PCDHGA3: variants seen among roughly 807,000 people sequenced by gnomAD.
PCDHGA3 encodes the protein protocadherin gamma subfamily A, 3.
PCDHGA3 carries 40 observed loss-of-function variants against 58.5 expected under a neutral mutation model. The observed-to-expected ratio is 0.68, with a 90% CI of 0.53 to 0.89. The LOEUF (loss-of-function observed/expected upper bound fraction) is 0.89, where lower values mean the gene tolerates loss of function less well. Among genes scored for constraint, PCDHGA3 ranks in the 40% least tolerant of loss-of-function variants. The probability of loss-of-function intolerance (pLI) is 0.00; values close to 1 mark genes in which losing one functional copy is unlikely to be tolerated. For missense variants in PCDHGA3, 1,223 were observed against 1,195.9 expected (o/e 1.02, Z -0.33); for synonymous variants, 530 against 525.7 (o/e 1.01, Z -0.11).
Position 141,489,381 on chromosome 5 carries a change from T to C in PCDHGA3, c.2425-5426T>C. 3 of 1,613,894 alleles carry C rather than the reference T, an allele frequency of 1.9e-6. No individual in the cohort carries two copies. The highest frequency in any genetic ancestry group is 2.5e-6 in the Non-Finnish European group (3 of 1,179,802). On this transcript the variant is annotated intron_variant, in intron 1 of 3. Coordinates refer to ENST00000253812, the MANE Select transcript of PCDHGA3 (RefSeq NM_018916.4). The surrounding 1 kb of genome is among the most constrained non-coding windows in gnomAD (Gnocchi z 4.5). ...CTGAGCCGGGGACGCTGGTGGGGAA[T>C]GTTGCTCAGGATCTGGGCTTAAAGA...
rs1454395834 is a variant in PCDHGA3, at chr5:141,413,223, G to A, written c.2424+66766G>A. The stretch of plus-strand genomic sequence containing the variant: ...CAAAGGAATCAAAGGATTGCAGCGG[G>A]CTGGTCCTGCTCTGCCTTTTCTTCG... On this transcript the variant is annotated intron_variant, in intron 1 of 3. Transcript: ENST00000253812. 4 of 1,613,694 alleles carry A rather than the reference G, an allele frequency of 2.5e-6. No individual in the cohort carries two copies. In the African/African-American group the frequency reaches 4.0e-5, roughly 16 times the overall value.
intron 2 of PCDHGA3, among the ~76,000 whole-genome samples, chr5:141,499,133 T>C (rs1443866975): frequency 6.6e-6 from 1 of 152,184 alleles, no homozygotes; most frequent in East Asian, 1.9e-4. Context: ...GGTCATCCTT[T>C]GGGTGTCTGA....
intron 1 of PCDHGA3, chr5:141,409,534 C>A (rs774144232): frequency 3.1e-6 from 5 of 1,613,986 alleles, no homozygotes; most frequent in Non-Finnish European, 4.2e-6. Flanking sequence ...ATGTCGCTGA[C>A]ATCAACGACA....
At chr5:141,358,684 A>C (rs1437513367) in intron 1 of PCDHGA3, among the ~76,000 whole-genome samples, 1 of 152,182 alleles carries the variant, frequency 6.6e-6, no homozygotes, top group African/African-American at 2.4e-5. Flanking sequence ...ATTGCTTATC[A>C]TGACATCACT....
intron 1 of PCDHGA3, chr5:141,421,118 T>A (rs572827470): frequency 1.3e-6 from 1 of 771,946 alleles, no homozygotes; most frequent in South Asian, 1.9e-5. Flanking sequence ...GTATTTTCCT[T>A]CGCTTTCTGA....
rs1304361659 is a variant in PCDHGA3 at position 141,494,859 on chromosome 5, C to T, written c.2477C>T (p.Thr826Ile). 2 of 1,614,134 alleles carry T rather than the reference C, an allele frequency of 1.2e-6. No individual in the cohort carries two copies. The highest frequency in any genetic ancestry group is 8.5e-7 in the Non-Finnish European group (1 of 1,180,012). Reference protein sequence around the residue: ...WRFSQAQRPGTSGSQNGDDTG... With the variant: ...WRFSQAQRPGISGSQNGDDTG... Reference sequence around the variant, plus strand: ...TTCTCTCAGGCCCAGAGACCCGGCACCAGCGGGTAGGTGACTGATTCTCCA... The same window carrying T: ...TTCTCTCAGGCCCAGAGACCCGGCATCAGCGGGTAGGTGACTGATTCTCCA... Residue 826 changes from threonine to isoleucine, a missense_variant, in exon 2 of 4, where the codon ACC becomes ATC. By Grantham distance (89) the Thr-to-Ile change is moderately conservative. This residue lies in a region of PCDHGA3 where 325 missense variants were observed against 327.5 expected (regional missense o/e 0.99). Coordinates refer to ENST00000253812, the MANE Select transcript of PCDHGA3 (RefSeq NM_018916.4).
At chr5:141,357,153 G>A in intron 1 of PCDHGA3, 2 of 1,613,624 alleles carry the variant, frequency 1.2e-6, no homozygotes, top group South Asian at 1.1e-5. Flanking sequence ...ACCATGGCCA[G>A]CCCCCTCTCT....
chr5:141,393,460 A>ATGGC (rs754334472), intron 1 of PCDHGA3: 1 of 1,614,052 alleles, frequency 6.2e-7, no homozygotes, highest in South Asian at 1.1e-5. Flanking sequence ...ACGGCCTCGG[A>ATGGC]TGGCGGCAAG....
rs771313271 is a variant in PCDHGA3 at position 141,477,861 on chromosome 5, G to C, written c.2425-16946G>C. 1.2e-6 allele frequency: 2 copies of C among 1,612,714 alleles called. No individual in the cohort carries two copies. Among genetic ancestry groups the C allele is most frequent in the South Asian group, 1.1e-5 (1 of 90,968 alleles). On this transcript the variant is annotated intron_variant, in intron 1 of 3. Transcript: ENST00000253812. The surrounding 1 kb of genome is among the most constrained non-coding windows in gnomAD (Gnocchi z 4.9). ...GGGAGCTCGGTGGAGATGCTGCCTC[G>C]AGGTACCTCAGCTGGCCACCTAGTG...
chr5:141,431,147 G>A lies in PCDHGA3; in HGVS notation c.2425-63660G>A, dbSNP rs1303502732. ...AGAAGTAAGGGACATTAACGACAAT[G>A]CGCCTTACTTTCGTGAAAGTGAATT... On this transcript the variant is annotated intron_variant, in intron 1 of 3. Coordinates refer to ENST00000253812, the MANE Select transcript of PCDHGA3 (RefSeq NM_018916.4). The surrounding 1 kb of genome is among the most constrained non-coding windows in gnomAD (Gnocchi z 4.8). 6.2e-7 allele frequency: 1 copy of A among 1,614,228 alleles called. No homozygotes were observed. The highest frequency in any genetic ancestry group is 1.7e-5 in the Admixed American group (1 of 60,030).
chr5:141,439,579 G>A (rs980322898), intron 1 of PCDHGA3, among the ~76,000 whole-genome samples: 6 of 152,148 alleles, frequency 3.9e-5, no homozygotes, highest in African/African-American at 1.4e-4. Context: ...GGGACTCAGA[G>A]TGCCACTGTT....
chr5:141,400,081 G>A lies in PCDHGA3; in HGVS notation c.2424+53624G>A, dbSNP rs763547099. 3.7e-6 allele frequency: 6 copies of A among 1,613,902 alleles called. No homozygotes were observed. The highest frequency in any genetic ancestry group is 3.3e-5 in the Admixed American group (2 of 60,010). On this transcript the variant is annotated intron_variant, in intron 1 of 3. Transcript: ENST00000253812. ...TGATGGTGGACAGCCGCCACTCTCC[G>A]CCACCGCCACGCTGCACTTGGTCTT...
chr5:141,413,139 C>A, intron 1 of PCDHGA3: 1 of 1,553,028 alleles, frequency 6.4e-7, no homozygotes. Context: ...ACAACGTGTC[C>A]AGTGAGGACT....
chr5:141,366,147 ACCG>A, intron 1 of PCDHGA3: 1 of 1,614,152 alleles, frequency 6.2e-7, no homozygotes, highest in East Asian at 2.2e-5. Flanking sequence ...TGGCTGTCCT[ACCG>A]CCTGCTTAAG....
intron 1 of PCDHGA3, chr5:141,356,284 C>G (rs2149790554): frequency 1.3e-6 from 2 of 1,556,978 alleles, no homozygotes; most frequent in East Asian, 4.8e-5. Context: ...ATCTTCTTCC[C>G]CGGGTACAGT....
chr5:141,499,138 G>A (rs765607930), intron 2 of PCDHGA3, among the ~76,000 whole-genome samples: 12 of 152,144 alleles, frequency 7.9e-5, no homozygotes, highest in Non-Finnish European at 1.5e-4. Flanking sequence ...TCCTTTGGGT[G>A]TCTGATCCCA....
At chr5:141,386,308 A>G (rs1057447717) in intron 1 of PCDHGA3, among the ~76,000 whole-genome samples, 5 of 152,236 alleles carry the variant, frequency 3.3e-5, no homozygotes, top group African/African-American at 4.8e-5. Flanking sequence ...AAAGCTCAGT[A>G]TATCAAGTGA....
intron 1 of PCDHGA3, chr5:141,364,409 G>A: frequency 6.2e-7 from 1 of 1,611,256 alleles, no homozygotes; most frequent in Non-Finnish European, 8.5e-7. Flanking sequence ...GTGCGAGCCA[G>A]GATCCGGGCA....
At position 141,511,456 on chromosome 5, in the gene PCDHGA3, C is replaced by A. The variant is rs900802210; in HGVS notation, c.*283C>A. ...TACTGTAGACACCAAGAACCATTTG[C>A]CACACCCCGTTTAGTTACAGCTGAA... On this transcript the variant is annotated 3_prime_UTR_variant, in exon 4 of 4. Transcript: ENST00000253812. 3.4e-6 allele frequency: 2 copies of A among 585,210 alleles called. No homozygotes were observed. The highest frequency in any genetic ancestry group is 5.7e-6 in the Non-Finnish European group (2 of 351,786). 36.3% of individuals were successfully genotyped at this position (585,210 alleles called of 1,614,324 possible).
Sources: gnomAD v4.1 joint callset for allele counts (sites outside exome capture counted in the v4.1 genomes callset) on GRCh38, gnomAD v4.1.1 for gene constraint, gnomAD v4.1.1 regional missense constraint, Gnocchi (gnomAD v3.1) non-coding constraint, MANE v1.5 for transcripts, NCBI Gene and HGNC (gene_info 2026-07-23, HGNC 2026-07-21) for gene names.